WNT2B: variants seen among roughly 807,000 people sequenced by gnomAD.
WNT2B encodes the protein protein Wnt-2b.
In WNT2B, 19 loss-of-function variants were observed where a neutral mutation model predicts 40.5. That is an observed-to-expected ratio of 0.47 (90% confidence interval 0.33 to 0.69). WNT2B has a LOEUF of 0.69. WNT2B is among the 30% of genes least tolerant of loss of function. The pLI, the probability that WNT2B is intolerant of heterozygous loss-of-function variation, is 0.02. For synonymous variants in WNT2B, 220 were observed against 211.9 expected (o/e 1.04, Z -0.33); for missense variants, 467 against 556.4 (o/e 0.84, Z 1.62).
rs1481066244 is a variant in WNT2B, at chr1:112,526,276, T to C, written c.*5767T>C. ...TCTGCCACTATTACCACCAGTACCATGTGACCACTATACAACATATTCCAC... is the reference window on the plus strand; with the variant it reads ...TCTGCCACTATTACCACCAGTACCACGTGACCACTATACAACATATTCCAC... On this transcript the variant is annotated 3_prime_UTR_variant, in exon 5 of 5. Transcript: ENST00000369684. 3.7e-6 allele frequency: 3 copies of C among 803,630 alleles called. No homozygotes were observed. Among genetic ancestry groups the C allele is most frequent in the African/African-American group, 1.7e-5 (1 of 58,430 alleles). 49.8% of individuals were successfully genotyped at this position (803,630 alleles called of 1,614,324 possible).
At position 112,514,905 on chromosome 1, in the gene WNT2B, T is replaced by G; in HGVS notation, c.214T>G (p.Cys72Gly). 6.2e-7 allele frequency: 1 copy of G among 1,614,260 alleles called. No homozygotes were observed. The highest frequency in any genetic ancestry group is 8.5e-7 in the Non-Finnish European group (1 of 1,180,044). The change falls in exon 2 of 5, where the codon TGT becomes GGT. Residue 72 changes from cysteine to glycine, a missense_variant. Coordinates refer to ENST00000369684, the MANE Select transcript of WNT2B (RefSeq NM_024494.3). ...YIGALGARVICDNIPGLVSRQ... is the reference protein window; with the variant it reads ...YIGALGARVIGDNIPGLVSRQ... ...TGGGGCACTGGGGGCACGAGTGATC[T>G]GTGACAATATCCCTGGTTTGGTGAG...
chr1:112,508,875 G>A (rs1570788300), upstream of WNT2B: 2 of 1,013,078 alleles, frequency 2.0e-6, no homozygotes, highest in Admixed American at 5.9e-5. The surrounding 1 kb of genome is among the most constrained non-coding windows in gnomAD (Gnocchi z 4.2). Context: ...GGCTTGGCGC[G>A]GGCGGAGCCG....
intron 4 of WNT2B, chr1:112,517,960 C>T (rs1372529995): frequency 6.5e-6 from 1 of 153,962 alleles, no homozygotes; most frequent in East Asian, 1.9e-4. Context: ...TGATCTGTCC[C>T]AGGGACAGAG....
At chr1:112,508,422 G>A (rs1449337239), upstream of WNT2B, among the ~76,000 whole-genome samples, 1 of 151,744 alleles carries the variant, frequency 6.6e-6, no homozygotes, top group Non-Finnish European at 1.5e-5. This position sits in a 1 kb window ranked among gnomAD's most constrained non-coding sequence, Gnocchi z 4.2. Context: ...AAGCAGGGGC[G>A]ATGAGCTCTA....
intron 4 of WNT2B, 102 bp from the exon 5 acceptor site, chr1:112,520,178 A>T: frequency 8.0e-7 from 1 of 1,253,488 alleles, no homozygotes; most frequent in Non-Finnish European, 1.1e-6. Flanking sequence ...GCCCAGCCCA[A>T]AAAAGCGATT....
Position 112,485,050 on chromosome 1 carries a change from G to C in WNT2B, c.-95+17459G>C, listed in dbSNP as rs56759080. The stretch of plus-strand genomic sequence containing the variant: ...CAGGCTTTTTTGTAGAAATTGACAA[G>C]TTAACTCTAAAATTTGTATGGAAAT... On this transcript the variant is annotated intron_variant, in intron 1 of 4. Coordinates refer to the WNT2B transcript ENST00000256640. Among the ~76,000 whole-genome samples the C allele has an allele frequency of 8.0e-3, 1,213 of 152,258 alleles. 14 individuals carry two copies. The highest frequency in any genetic ancestry group is 0.027 in the African/African-American group (1,134 of 41,560).
chr1:112,490,490 T>C (rs1336890146), intron 1 of WNT2B, among the ~76,000 whole-genome samples: 1 of 147,820 alleles, frequency 6.8e-6, no homozygotes, highest in African/African-American at 2.4e-5. Context: ...AGAACTCATA[T>C]TCTTTTTTTT....
In WNT2B at chr1:112,514,967, C is replaced by T; in HGVS notation, c.276C>T (p.Ile92=). The T allele has an allele frequency of 6.2e-7, 1 of 1,614,230 alleles. No homozygotes were observed. Among genetic ancestry groups the T allele is most frequent in the South Asian group, 1.1e-5 (1 of 91,086 alleles). Residue 92 remains isoleucine (I), a synonymous_variant, in exon 2 of 5, where the codon ATC becomes ATT. Transcript: ENST00000369684. ...QRQLCQRYPD[I]MRSVGEGARE... ...AGCTGTGCCAGCGTTACCCAGACAT[C>T]ATGCGTTCAGTGGGCGAGGGTGCCC...
chr1:112,526,547 T>C lies in WNT2B; in HGVS notation c.*6038T>C, dbSNP rs970235874. On this transcript the variant is annotated 3_prime_UTR_variant, in exon 5 of 5. Coordinates refer to ENST00000369684, the MANE Select transcript of WNT2B (RefSeq NM_024494.3). The stretch of plus-strand genomic sequence containing the variant: ...CGAGGTCAGGAGATTGAGACCATCC[T>C]GGCTAACACGGTGAAACCCTGTCTC... The C allele has an allele frequency of 6.5e-6, 1 of 154,250 alleles. No homozygotes were observed. Among genetic ancestry groups the C allele is most frequent in the Non-Finnish European group, 1.4e-5 (1 of 69,364 alleles). The allele number at this position is 154,250 out of a possible 1,614,324, so 9.6% of individuals were successfully genotyped here.
rs1468928722 is a variant in WNT2B, at chr1:112,522,545, GTCC to G, written c.*2039_*2041del. 1.3e-5 allele frequency: 2 copies of G among 152,222 alleles called. No individual in the cohort carries two copies. The highest frequency in any genetic ancestry group is 2.4e-5 in the African/African-American group (1 of 41,434). 9.4% of individuals were successfully genotyped at this position (152,222 alleles called of 1,614,324 possible). ...AAGTTCCTCTCCAATATCCCTTGGG[GTCC>G]TCATGTTTTTGAAGCAGCTTCACTC... On this transcript the variant is annotated 3_prime_UTR_variant, in exon 5 of 5. Transcript: ENST00000369684.
At chr1:112,471,084 G>T (rs1245284040) in intron 1 of WNT2B, among the ~76,000 whole-genome samples, 1 of 152,176 alleles carries the variant, frequency 6.6e-6, no homozygotes, top group African/African-American at 2.4e-5. Context: ...GACATCAGTG[G>T]GGGATTCTGA....
upstream of WNT2B, among the ~76,000 whole-genome samples, chr1:112,507,408 A>G (rs56936763): frequency 8.3e-4 from 126 of 152,326 alleles, no homozygotes; most frequent in African/African-American, 3.0e-3. Flanking sequence ...GAATGCACTC[A>G]TCACCTTACC....
chr1:112,478,968 C>T (rs1205246418), intron 1 of WNT2B, among the ~76,000 whole-genome samples: 1 of 151,882 alleles, frequency 6.6e-6, no homozygotes, highest in African/African-American at 2.4e-5. Context: ...ATACCTGTAT[C>T]CCAGTACGTT....
In WNT2B at chr1:112,526,066, C is replaced by G; in HGVS notation, c.*5557C>G. 6.2e-7 allele frequency: 1 copy of G among 1,614,204 alleles called. No individual in the cohort carries two copies. Among genetic ancestry groups the G allele is most frequent in the Non-Finnish European group, 8.5e-7 (1 of 1,180,034 alleles). On this transcript the variant is annotated 3_prime_UTR_variant, in exon 5 of 5. Coordinates refer to ENST00000369684, the MANE Select transcript of WNT2B (RefSeq NM_024494.3). ...GACTTCAAATCCTGTGTATTCTCCT[C>G]AAAGCCTGAGGATGCCCAGGGTTGG... is the stretch of plus-strand genomic sequence containing the variant.
chr1:112,496,164 A>G (rs142987408), intron 1 of WNT2B, among the ~76,000 whole-genome samples: 2 of 152,268 alleles, frequency 1.3e-5, no homozygotes, highest in Non-Finnish European at 2.9e-5. Flanking sequence ...TCCAGGTTAG[A>G]GTACAGCGAT....
At chr1:112,483,209 C>T (rs1053468504) in intron 1 of WNT2B, among the ~76,000 whole-genome samples, 1 of 97,346 alleles carries the variant, frequency 1.0e-5, no homozygotes, top group African/African-American at 4.6e-5. Flanking sequence ...CACACACACA[C>T]ACACACACAC....
intron 1 of WNT2B, among the ~76,000 whole-genome samples, chr1:112,471,411 G>A (rs903875045): frequency 6.6e-6 from 1 of 152,186 alleles, no homozygotes; most frequent in East Asian, 1.9e-4. Flanking sequence ...TGTGCCTCAG[G>A]TATTTCCCAT....
At chr1:112,519,225 A>T (rs1266438909) in intron 4 of WNT2B, among the ~76,000 whole-genome samples, 2 of 152,206 alleles carry the variant, frequency 1.3e-5, no homozygotes, top group African/African-American at 4.8e-5. Context: ...TATCTCCATT[A>T]TATGTATATT....
rs749324214 is a variant in WNT2B, at chr1:112,525,976, T to C, written c.*5467T>C. The C allele has an allele frequency of 2.9e-5, 46 of 1,612,012 alleles. No homozygotes were observed. Among genetic ancestry groups the C allele is most frequent in the Non-Finnish European group, 3.6e-5 (43 of 1,178,602 alleles). ...TTTACAGATGCTGTTCAGAAAAATT[T>C]GGTGATTTGTCCAAGGTCACATGAA... On this transcript the variant is annotated 3_prime_UTR_variant, in exon 5 of 5. Transcript: ENST00000369684.
Sources: allele counts gnomAD v4.1 joint callset (sites outside exome capture counted in the v4.1 genomes callset), GRCh38; gene constraint gnomAD v4.1.1; non-coding constraint Gnocchi (gnomAD v3.1); transcripts MANE v1.5; gene names NCBI Gene and HGNC (gene_info 2026-07-23, HGNC 2026-07-21).